Variants in DISC1 observed in about 807,000 individuals in gnomAD.
The protein encoded by DISC1 is DISC1 scaffold protein, also known as disrupted in schizophrenia 1 protein.
Under a neutral mutation model 84.5 loss-of-function variants are expected in DISC1, and 57 were observed. The observed-to-expected ratio is 0.67, with a 90% CI of 0.55 to 0.84. The LOEUF is 0.84. Among genes scored for constraint, DISC1 ranks in the 40% least tolerant of loss-of-function variants. DISC1 has a pLI of 0.00. For synonymous variants in DISC1, 411 were observed against 415.2 expected (o/e 0.99, Z 0.12); for missense variants, 1,000 against 1,057.8 (o/e 0.95, Z 0.76).
At chr1:231,696,461 T>G (rs987412769) in intron 2 of DISC1, among the ~76,000 whole-genome samples, 1 of 152,198 alleles carries the variant, frequency 6.6e-6, no homozygotes, top group Non-Finnish European at 1.5e-5. Flanking sequence ...CAAATTAAAT[T>G]CCTATCTTAT....
chr1:232,002,640 A>G (rs534683586), intron 10 of DISC1, among the ~76,000 whole-genome samples: 1 of 120,060 alleles, frequency 8.3e-6, no homozygotes, highest in Non-Finnish European at 1.7e-5. Flanking sequence ...CACACACACA[A>G]AAGCCAATCC....
At chr1:231,762,146 CTTCTTTCTTT>C (rs1258370205) in intron 4 of DISC1, among the ~76,000 whole-genome samples, 1 of 123,598 alleles carries the variant, frequency 8.1e-6, no homozygotes, top group Non-Finnish European at 1.7e-5. Context: ...TCTTTCTTTC[CTTCTTTCTTT>C]TTCTTTCTTT....
intron 9 of DISC1, among the ~76,000 whole-genome samples, chr1:231,912,621 G>A (rs1422191565): frequency 3.3e-5 from 5 of 152,170 alleles, no homozygotes; most frequent in Non-Finnish European, 7.3e-5. Flanking sequence ...TAGGCTACTT[G>A]GCAGTCAGGG....
intron 10 of DISC1, among the ~76,000 whole-genome samples, chr1:231,966,266 G>T (rs79620654): frequency 1.3e-5 from 2 of 152,232 alleles, no homozygotes; most frequent in African/African-American, 4.8e-5. Context: ...AGAAAAAAAC[G>T]ACTCTTAAAG....
chr1:232,014,448 C>T (rs1206591242), intron 11 of DISC1, among the ~76,000 whole-genome samples: 1 of 152,220 alleles, frequency 6.6e-6, no homozygotes, highest in Non-Finnish European at 1.5e-5. Flanking sequence ...ACTTCTATCT[C>T]CACTACATTT....
chr1:231,776,570 C>A (rs529272897), intron 6 of DISC1, among the ~76,000 whole-genome samples: 1 of 152,104 alleles, frequency 6.6e-6, no homozygotes, highest in South Asian at 2.1e-4. Flanking sequence ...AGTATCCATG[C>A]CCCCAGCCAC....
At chr1:231,757,728 A>G (rs770680548) in intron 4 of DISC1, among the ~76,000 whole-genome samples, 4 of 152,134 alleles carry the variant, frequency 2.6e-5, no homozygotes, top group Non-Finnish European at 4.4e-5. Flanking sequence ...AACAAATGGT[A>G]TATGCTCAGG....
intron 3 of DISC1, among the ~76,000 whole-genome samples, chr1:231,729,478 T>A (rs2071225273): frequency 6.6e-6 from 1 of 152,244 alleles, no homozygotes; most frequent in South Asian, 2.1e-4. Context: ...TTGCTCTTTA[T>A]TAGTTATTCT....
intron 2 of DISC1, among the ~76,000 whole-genome samples, chr1:231,695,193 A>G (rs116502863): frequency 0.012 from 1,817 of 152,296 alleles, 48 homozygotes; most frequent in African/African-American, 0.042. Flanking sequence ...GATGCCCTCT[A>G]TCAGGGCGAT....
chr1:231,957,544 A>G (rs1490987325), intron 9 of DISC1, among the ~76,000 whole-genome samples: 1 of 152,190 alleles, frequency 6.6e-6, no homozygotes, highest in Non-Finnish European at 1.5e-5. Flanking sequence ...TGTGTGGCAC[A>G]TAAATATGTA....
intron 1 of DISC1, among the ~76,000 whole-genome samples, chr1:231,676,377 G>A (rs2063156896): frequency 6.6e-6 from 1 of 152,086 alleles, no homozygotes; most frequent in South Asian, 2.1e-4. Context: ...TCCCAGCTAC[G>A]AATCCACCTA....
intron 1 of DISC1, among the ~76,000 whole-genome samples, chr1:231,678,414 A>G (rs180994517): frequency 1.3e-5 from 2 of 152,328 alleles, no homozygotes; most frequent in Non-Finnish European, 2.9e-5. Context: ...GTCAGCGGCC[A>G]TAAGATCATC....
rs80314007 is a variant in DISC1, at chr1:231,646,058, C to CT, written c.67+19137dup. On this transcript the variant is annotated intron_variant, in intron 1 of 12. Coordinates refer to ENST00000439617, the MANE Select transcript of DISC1 (RefSeq NM_018662.3). ...CAACAATAGCAGAATATGTACTTTT[C>CT]TTTTTTTTTTTTTACAATAACAGTG... Among the ~76,000 whole-genome samples, 824 of 146,232 alleles carry CT rather than the reference C, an allele frequency of 5.6e-3. 3 individuals are homozygous for CT. Among genetic ancestry groups the CT allele is most frequent in the Middle Eastern group, 0.021 (6 of 286 alleles).
intron 1 of DISC1, among the ~76,000 whole-genome samples, chr1:231,642,890 G>A (rs1466940584): frequency 1.3e-5 from 2 of 152,150 alleles, no homozygotes; most frequent in East Asian, 1.9e-4. Context: ...AGGTGTTTTA[G>A]CTCCAGGGAG....
intron 9 of DISC1, among the ~76,000 whole-genome samples, chr1:231,925,292 C>T (rs895642195): frequency 2.0e-5 from 3 of 152,248 alleles, no homozygotes; most frequent in Non-Finnish European, 2.9e-5. Flanking sequence ...AAAACGGTGA[C>T]GATGATGACA....
At chr1:231,755,400 C>T (rs2075019225) in intron 4 of DISC1, among the ~76,000 whole-genome samples, 1 of 151,866 alleles carries the variant, frequency 6.6e-6, no homozygotes, top group Non-Finnish European at 1.5e-5. Context: ...TCTCTTCTCA[C>T]TTTGTATCTT....
chr1:231,814,365 G>C (rs2080668752), intron 8 of DISC1, among the ~76,000 whole-genome samples: 1 of 152,094 alleles, frequency 6.6e-6, no homozygotes, highest in Non-Finnish European at 1.5e-5. Flanking sequence ...TGCAAAGAAA[G>C]AAAAATTGCT....
rs75497515 is a variant in DISC1, at chr1:231,865,126, G to A, written c.1981+46609G>A. Among the ~76,000 whole-genome samples the A allele has an allele frequency of 1.8e-4, 28 of 152,326 alleles. No individual in the cohort carries two copies. The East Asian group carries it at 5.0e-3, about 27-fold the overall frequency. ...CAGAGAACTCACTCCATTTGCCGAGGTCCGACAAGTGTGTAGGTGAGCTGG... is the reference window on the plus strand; with the variant it reads ...CAGAGAACTCACTCCATTTGCCGAGATCCGACAAGTGTGTAGGTGAGCTGG... On this transcript the variant is annotated intron_variant, in intron 9 of 12. Coordinates refer to ENST00000439617, the MANE Select transcript of DISC1 (RefSeq NM_018662.3).
chr1:231,786,430 CT>C (rs1215901267), intron 6 of DISC1, among the ~76,000 whole-genome samples: 1 of 152,134 alleles, frequency 6.6e-6, no homozygotes, highest in Non-Finnish European at 1.5e-5. Flanking sequence ...AGAGTTTGTT[CT>C]TCAAAGGCTC....
Sources: allele counts gnomAD v4.1 joint callset (sites outside exome capture counted in the v4.1 genomes callset), GRCh38; gene constraint gnomAD v4.1.1; transcripts MANE v1.5; gene names NCBI Gene and HGNC (gene_info 2026-07-23, HGNC 2026-07-21).